Variants in TRPV3 observed in about 807,000 individuals in gnomAD.
TRPV3 encodes the protein VRL-3.
TRPV3 carries 88 observed loss-of-function variants against 87.1 expected under a neutral mutation model. The observed-to-expected ratio is 1.01, with a 90% CI of 0.85 to 1.21. TRPV3 has a LOEUF of 1.21. TRPV3 is among the 50% of genes most tolerant of loss of function. The pLI, the probability that TRPV3 is intolerant of heterozygous loss-of-function variation, is 0.00. For synonymous variants in TRPV3, 438 were observed against 423.3 expected, an observed-to-expected ratio of 1.03 and a Z score of -0.43; for missense variants, 1,054 against 1,030.1, an observed-to-expected ratio of 1.02 and a Z score of -0.32.
At position 3,518,783 on chromosome 17, in the gene TRPV3, G is replaced by A. The variant is rs12946883; in HGVS notation, c.1878C>T (p.Ser626=). ...GCTTGAAGAGTTCCAGCACTGCGTC[G>A]CTGAAGCTGCCGTAGGAGCTGCAGT... is the stretch of plus-strand genomic sequence containing the variant. ...NKDCSSYGSF[S]DAVLELFKLT... Residue 626 remains serine, a synonymous_variant, in exon 15 of 18, where the codon AGC becomes AGT. Transcript: ENST00000576742. The surrounding 1 kb of genome is among the most constrained non-coding windows in gnomAD (Gnocchi z 4.3). The A allele has an allele frequency of 0.28, 458,987 of 1,613,532 alleles. 66,530 individuals carry two copies. Among genetic ancestry groups the A allele is most frequent in the South Asian group, 0.36 (32,851 of 91,040 alleles).
intron 2 of TRPV3, chr17:3,553,234 C>T (rs2074596161): frequency 6.5e-6 from 1 of 152,754 alleles, no homozygotes; most frequent in Non-Finnish European, 1.5e-5. Context: ...CAGGCTCAGA[C>T]ATCACCACCT....
In TRPV3 at chr17:3,517,562, T is replaced by C. The variant is rs2074193648; in HGVS notation, c.2086-993A>G. Among the ~76,000 whole-genome samples, 12 of 136,050 alleles carry C rather than the reference T, an allele frequency of 8.8e-5. No homozygotes were observed. The Admixed American group carries it at 1.1e-3, about 12-fold the overall frequency. 89.3% of individuals were successfully genotyped at this position (136,050 alleles called of 152,430 possible). A position where few individuals can be genotyped will look rare whatever the true frequency, so the allele number is the denominator to read the frequency against. On this transcript the variant is annotated intron_variant, in intron 15 of 17. Transcript: ENST00000576742. ...TGAGCCCGGGAGGCAGAGTTTGCAGTGAGCTGATAATCGTGCCACTGCACT... is the reference window on the plus strand; with the variant it reads ...TGAGCCCGGGAGGCAGAGTTTGCAGCGAGCTGATAATCGTGCCACTGCACT...
At position 3,514,309 on chromosome 17, in the gene TRPV3, C is replaced by T. The variant is rs2074152802; in HGVS notation, c.2278+284G>A. 1.2e-5 allele frequency: 6 copies of T among 507,460 alleles called. No homozygotes were observed. The South Asian group carries it at 1.4e-4, about 12-fold the overall frequency. The allele number at this position is 507,460 out of a possible 1,614,324, so 31.4% of individuals were successfully genotyped here. ...GGCCAGGCTGGTCTCAAACTCCTGA[C>T]CTCAGGTGATTCACCCGACTCGTCC... is the stretch of plus-strand genomic sequence containing the variant. On this transcript the variant is annotated intron_variant, in intron 17 of 17. Coordinates refer to ENST00000576742, the MANE Select transcript of TRPV3 (RefSeq NM_145068.4).
At chr17:3,519,762 T>TGGA (rs2074225480) in intron 14 of TRPV3, among the ~76,000 whole-genome samples, 3 of 50,786 alleles carry the variant, frequency 5.9e-5, no homozygotes, top group Non-Finnish European at 4.0e-5. Context: ...GGATGAATGA[T>TGGA]TAGATGGATG....
At chr17:3,531,965 G>A (rs1441372579) in intron 8 of TRPV3, among the ~76,000 whole-genome samples, 2 of 152,188 alleles carry the variant, frequency 1.3e-5, no homozygotes, top group African/African-American at 4.8e-5. Flanking sequence ...CTCTGATGGC[G>A]TCCCAGGAGC....
intron 2 of TRPV3, chr17:3,552,751 G>A (rs1465198099): frequency 6.6e-6 from 1 of 152,254 alleles, no homozygotes; most frequent in Non-Finnish European, 1.5e-5. Flanking sequence ...GAAAGGACGT[G>A]GGATTTTCCC....
Position 3,542,579 on chromosome 17 carries a change from C to A in TRPV3, c.586G>T (p.Glu196Ter), listed in dbSNP as rs942664584. 6.2e-7 allele frequency: 1 copy of A among 1,614,026 alleles called. No individual in the cohort carries two copies. The highest frequency in any genetic ancestry group is 8.5e-7 in the Non-Finnish European group (1 of 1,179,936). ...IVRILLAFAE[E>*]NDILGRFINA... ...ATGAACCTGCCCAGGATGTCGTTCT[C>A]TTCAGCAAAGGCAAGCAGGATCCGC... Residue 196 changes from glutamate (E) to a stop codon, truncating the protein, a stop_gained, in exon 6 of 18, where the codon GAG becomes TAG. Transcript: ENST00000576742. LOFTEE classifies it high-confidence loss of function.
At chr17:3,540,504 G>A (rs986554146) in intron 6 of TRPV3, among the ~76,000 whole-genome samples, 8 of 152,096 alleles carry the variant, frequency 5.3e-5, no homozygotes, top group Admixed American at 1.3e-4. Flanking sequence ...TCTGTGACCG[G>A]GACAGCAAAG....
At chr17:3,526,995 G>C in intron 11 of TRPV3, 68 bp from the exon 12 acceptor site, 1 of 1,316,302 alleles carries the variant, frequency 7.6e-7, no homozygotes, top group South Asian at 1.3e-5. Flanking sequence ...TGAGCAGAGG[G>C]TGCTTCCCCA....
rs1460930842 is a variant in TRPV3, at chr17:3,528,787, C to A, written c.1401+50G>T. Reference sequence around the variant, plus strand: ...CACCTGCACGTGGGGCAGCTCCAAGCCCCTCCAGCTCTGACGGCCCCATTT... The same window carrying A: ...CACCTGCACGTGGGGCAGCTCCAAGACCCTCCAGCTCTGACGGCCCCATTT... On this transcript the variant is annotated intron_variant, in intron 10 of 17. Coordinates refer to ENST00000576742, the MANE Select transcript of TRPV3 (RefSeq NM_145068.4). The surrounding 1 kb of genome is among the most constrained non-coding windows in gnomAD (Gnocchi z 4.2). 1.9e-6 allele frequency: 3 copies of A among 1,607,824 alleles called. No individual in the cohort carries two copies. Among genetic ancestry groups the A allele is most frequent in the Admixed American group, 1.7e-5 (1 of 59,600 alleles).
At chr17:3,553,346 G>T (rs2074597011) in intron 2 of TRPV3, 1 of 152,532 alleles carries the variant, frequency 6.6e-6, no homozygotes, top group Non-Finnish European at 1.5e-5. Flanking sequence ...TCTCCAGAAG[G>T]CACATCTCAC....
chr17:3,524,875 G>A (rs1014460082), intron 12 of TRPV3, among the ~76,000 whole-genome samples: 4 of 151,644 alleles, frequency 2.6e-5, no homozygotes, highest in Middle Eastern at 3.4e-3. Flanking sequence ...CTCCTGCATC[G>A]ATTTGAGAAC....
At chr17:3,516,637 T>G (rs1009253519) in intron 15 of TRPV3, 68 bp from the exon 16 acceptor site, 4 of 1,147,818 alleles carry the variant, frequency 3.5e-6, no homozygotes, top group Non-Finnish European at 5.3e-6. Context: ...GCACACACAC[T>G]GTCGGGGAGC....
At chr17:3,532,329 G>T (rs1227221234) in intron 8 of TRPV3, among the ~76,000 whole-genome samples, 1 of 152,248 alleles carries the variant, frequency 6.6e-6, no homozygotes, top group African/African-American at 2.4e-5. Context: ...GAGGCAGAAG[G>T]CCCCAAGGGC....
intron 15 of TRPV3, among the ~76,000 whole-genome samples, chr17:3,517,619 CA>C (rs34610978): frequency 4.3e-3 from 278 of 65,358 alleles, no homozygotes; most frequent in African/African-American, 0.016. Flanking sequence ...GACCCTGTCT[CA>C]AAAAAAAAAA....
At chr17:3,551,871 T>TTTC (rs2074578596) in intron 2 of TRPV3, among the ~76,000 whole-genome samples, 2 of 72,120 alleles carry the variant, frequency 2.8e-5, no homozygotes, top group East Asian at 4.3e-4. Context: ...TAATTTATTC[T>TTTC]TTTTTTTTTT....
chr17:3,542,631 G>A lies in TRPV3; in HGVS notation c.534C>T (p.Asn178=). The A allele has an allele frequency of 6.2e-7, 1 of 1,614,058 alleles. No individual in the cohort carries two copies. The highest frequency in any genetic ancestry group is 8.5e-7 in the Non-Finnish European group (1 of 1,179,944). The part of the protein sequence containing the change: ...GKTCLMKALL[N]INPNTKEIVR... ...CTATCTCCTTGGTGTTGGGGTTGAT[G>A]TTTAACAAGGCCTTCATCAGGCAGG... Residue 178 remains asparagine (N), a synonymous_variant, in exon 6 of 18, where the codon AAC becomes AAT. Transcript: ENST00000576742.
chr17:3,533,243 A>G (rs2074366987), intron 7 of TRPV3, among the ~76,000 whole-genome samples: 2 of 151,832 alleles, frequency 1.3e-5, no homozygotes, highest in East Asian at 3.9e-4. Context: ...AGCCCTGCAT[A>G]CTCTGACCTC....
rs1043954157 is a variant in TRPV3 at position 3,511,837 on chromosome 17, A to C, written c.*2080T>G. On this transcript the variant is annotated 3_prime_UTR_variant, in exon 18 of 18. Coordinates refer to ENST00000576742, the MANE Select transcript of TRPV3 (RefSeq NM_145068.4). ...CATAACAGATACGGCTTTATCCATT[A>C]ATGGATATGACTTTCTCCATTAATA... The C allele has an allele frequency of 5.3e-5, 8 of 152,192 alleles. No individual in the cohort carries two copies. Among genetic ancestry groups the C allele is most frequent in the African/African-American group, 1.9e-4 (8 of 41,440 alleles). 9.4% of individuals were successfully genotyped at this position (152,192 alleles called of 1,614,324 possible).
Sources: allele counts gnomAD v4.1 joint callset (sites outside exome capture counted in the v4.1 genomes callset), GRCh38; gene constraint gnomAD v4.1.1; non-coding constraint Gnocchi (gnomAD v3.1); transcripts MANE v1.5; gene names NCBI Gene and HGNC (gene_info 2026-07-23, HGNC 2026-07-21).